ATP2B2: variants seen among roughly 807,000 people sequenced by gnomAD.
The protein encoded by ATP2B2 is ATPase plasma membrane Ca2+ transporting 2.
ATP2B2 carries 15 observed loss-of-function variants against 120.0 expected under a neutral mutation model. That is an observed-to-expected ratio of 0.12 (90% CI 0.08 to 0.19). The LOEUF is 0.19. ATP2B2 is among the 10% of genes least tolerant of loss of function. The pLI is 1.00. For missense variants in ATP2B2, 1,045 were observed against 1,719.8 expected, an observed-to-expected ratio of 0.61 and a Z score of 6.94; for synonymous variants, 694 against 700.3, an observed-to-expected ratio of 0.99 and a Z score of 0.14.
chr3:10,659,836 T>C (rs1451165764), intron 1 of ATP2B2, among the ~76,000 whole-genome samples: 2 of 152,130 alleles, frequency 1.3e-5, no homozygotes, highest in African/African-American at 2.4e-5. Context: ...ATTGATCACA[T>C]AGTTGGAAGT....
At chr3:10,339,524 C>T (rs925471222) in intron 21 of ATP2B2, among the ~76,000 whole-genome samples, 1 of 152,178 alleles carries the variant, frequency 6.6e-6, no homozygotes, top group Admixed American at 6.5e-5. Flanking sequence ...TGCATGCTCT[C>T]AGAGCTGTGA....
At chr3:10,703,435 A>G (rs1559527831) in intron 1 of ATP2B2, among the ~76,000 whole-genome samples, 2 of 152,122 alleles carry the variant, frequency 1.3e-5, no homozygotes, top group South Asian at 2.1e-4. Context: ...CTTTGCTTCT[A>G]TTCTATTAGG....
At chr3:10,513,593 T>C (rs148390210) in intron 3 of ATP2B2, among the ~76,000 whole-genome samples, 23 of 152,214 alleles carry the variant, frequency 1.5e-4, no homozygotes, top group Non-Finnish European at 2.8e-4. Context: ...GGTCCTATGA[T>C]CCACTCAATG....
At chr3:10,576,540 C>A (rs866698702) in intron 2 of ATP2B2, among the ~76,000 whole-genome samples, 1 of 151,978 alleles carries the variant, frequency 6.6e-6, no homozygotes, top group Admixed American at 6.6e-5. Flanking sequence ...CCACCTTTCC[C>A]GGCTAATTTT....
At chr3:10,350,319 G>A in intron 15 of ATP2B2, 79 bp downstream of exon 15, 1 of 1,601,648 alleles carries the variant, frequency 6.2e-7, no homozygotes, top group Non-Finnish European at 8.5e-7. Flanking sequence ...GCTGGCTTCT[G>A]TACAATCATG....
chr3:10,708,048 G>A (rs1449205234), upstream of ATP2B2: 1 of 85,324 alleles, frequency 1.2e-5, no homozygotes, highest in Non-Finnish European at 2.4e-5. Flanking sequence ...CGCCTGCCCC[G>A]CGGCCCCGCC....
At chr3:10,559,257 T>G (rs2067848053) in intron 2 of ATP2B2, among the ~76,000 whole-genome samples, 1 of 152,016 alleles carries the variant, frequency 6.6e-6, no homozygotes, top group Admixed American at 6.6e-5. Flanking sequence ...GGAAATGTAG[T>G]GGGCGGGGAG....
chr3:10,597,149 G>T lies in ATP2B2; in HGVS notation c.-415+22768C>A, dbSNP rs1353150548. ...TGCACAGGCAAACAGGTACACACAGGCACATACACACAGGCACGCACACAG... is the reference window on the plus strand; with the variant it reads ...TGCACAGGCAAACAGGTACACACAGTCACATACACACAGGCACGCACACAG... On this transcript the variant is annotated intron_variant, in intron 2 of 21. Coordinates refer to the ATP2B2 transcript ENST00000646379. Among the ~76,000 whole-genome samples, 3 of 141,322 alleles carry T rather than the reference G, an allele frequency of 2.1e-5. No homozygotes were observed. The Admixed American group carries it at 2.1e-4, about 10-fold the overall frequency. 92.7% of individuals were successfully genotyped at this position (141,322 alleles called of 152,430 possible).
At chr3:10,440,131 G>T (rs1000341292) in intron 2 of ATP2B2, among the ~76,000 whole-genome samples, 16 of 107,492 alleles carry the variant, frequency 1.5e-4, no homozygotes, top group African/African-American at 4.6e-4. Context: ...AAAAAAAAAA[G>T]GAGTGTCTCT....
At chr3:10,393,901 G>A (rs986887938) in intron 5 of ATP2B2, among the ~76,000 whole-genome samples, 2 of 152,174 alleles carry the variant, frequency 1.3e-5, no homozygotes, top group Non-Finnish European at 1.5e-5. Flanking sequence ...GCTTTCCCTT[G>A]CCCTGAGCTG....
At chr3:10,467,982 C>A (rs2064821320) in intron 1 of ATP2B2, among the ~76,000 whole-genome samples, 1 of 152,170 alleles carries the variant, frequency 6.6e-6, no homozygotes, top group African/African-American at 2.4e-5. Context: ...CAGGGAATGG[C>A]CCGACCAGGA....
intron 1 of ATP2B2, among the ~76,000 whole-genome samples, chr3:10,680,509 AGTGACCTTGGGCAGGCCATC>A (rs1374730648): frequency 6.6e-6 from 1 of 152,002 alleles, no homozygotes; most frequent in Non-Finnish European, 1.5e-5. Context: ...TCACCAGTGG[AGTGACCTTGGGCAGGCCATC>A]GTGTCCTGAT....
chr3:10,340,568 G>A lies in ATP2B2; in HGVS notation c.3054C>T (p.Gly1018=), dbSNP rs776393984. The A allele has an allele frequency of 1.9e-6, 3 of 1,614,248 alleles. No individual in the cohort carries two copies. The highest frequency in any genetic ancestry group is 2.5e-6 in the Non-Finnish European group (3 of 1,180,056). ...AGATGCCGTCAAAGACATTGCGCTC[G>A]CCGTGGATCTTGCGGGCGTTGATCT... ...FNEINARKIH[G]ERNVFDGIFR... is the part of the protein sequence containing the mutation. Residue 1018 remains glycine (G), a synonymous_variant, in exon 20 of 23, where the codon GGC becomes GGT. Coordinates refer to ENST00000360273, the MANE Select transcript of ATP2B2 (RefSeq NM_001001331.4). This position sits in a 1 kb window ranked among gnomAD's most constrained non-coding sequence, Gnocchi z 5.0.
chr3:10,599,136 G>A (rs1038008847), intron 2 of ATP2B2, among the ~76,000 whole-genome samples: 13 of 152,344 alleles, frequency 8.5e-5, no homozygotes, highest in African/African-American at 2.9e-4. Flanking sequence ...TGTGAGGCTA[G>A]CAGAGGAGAC....
chr3:10,704,242 A>G (rs2071864229), intron 1 of ATP2B2, among the ~76,000 whole-genome samples: 1 of 152,250 alleles, frequency 6.6e-6, no homozygotes, highest in African/African-American at 2.4e-5. Flanking sequence ...AATATCACCT[A>G]CGTCTTAGGA....
intron 2 of ATP2B2, among the ~76,000 whole-genome samples, chr3:10,590,679 T>C (rs925222982): frequency 3.9e-5 from 6 of 152,306 alleles, no homozygotes; most frequent in African/African-American, 1.4e-4. Flanking sequence ...GAGCAATGGA[T>C]TTCTGTGGGT....
chr3:10,487,542 G>C (rs1394043998), intron 1 of ATP2B2, among the ~76,000 whole-genome samples: 1 of 152,238 alleles, frequency 6.6e-6, no homozygotes, highest in Non-Finnish European at 1.5e-5. Context: ...TGAGTCTTTA[G>C]TTCCACAGCC....
rs140092936 is a variant in ATP2B2, at chr3:10,640,142, G to A, written c.-459-20181C>T. ...ATGTTGTTATTCCCCTTGTACTGAC[G>A]AGGAGATTGAGGTCTGAGAGGCTGA... On this transcript the variant is annotated intron_variant, in intron 1 of 21. Coordinates refer to the ATP2B2 transcript ENST00000646379. 1.9e-3 allele frequency among the ~76,000 whole-genome samples: 293 copies of A among 152,286 alleles called. 1 individual carries two copies. The highest frequency in any genetic ancestry group is 6.7e-3 in the African/African-American group (279 of 41,550).
At chr3:10,403,004 G>C (rs2062277822) in intron 3 of ATP2B2, among the ~76,000 whole-genome samples, 2 of 151,872 alleles carry the variant, frequency 1.3e-5, no homozygotes, top group Admixed American at 6.5e-5. Flanking sequence ...GTTTGCCGCT[G>C]TCCTCTTCTT....
Sources: allele counts gnomAD v4.1 joint callset (sites outside exome capture counted in the v4.1 genomes callset), GRCh38; gene constraint gnomAD v4.1.1; non-coding constraint Gnocchi (gnomAD v3.1); transcripts MANE v1.5; gene names NCBI Gene and HGNC (gene_info 2026-07-23, HGNC 2026-07-21).